PTPRD: variants seen among roughly 807,000 people sequenced by gnomAD.
PTPRD encodes receptor-type tyrosine-protein phosphatase delta.
PTPRD carries 34 observed loss-of-function variants against 214.5 expected under a neutral mutation model. The observed-to-expected ratio is 0.16, with a 90% CI of 0.12 to 0.21. The LOEUF (loss-of-function observed/expected upper bound fraction) is 0.21. PTPRD is among the 10% of genes least tolerant of loss of function. The pLI, the probability that PTPRD is intolerant of heterozygous loss-of-function variation, is 1.00. For missense variants in PTPRD, 2,545 were observed against 2,398.7 expected (o/e 1.06, Z -1.27); for synonymous variants, 1,128 against 845.7 (o/e 1.33, Z -5.79).
At chr9:10,344,357 C>T (rs2097020481) in intron 2 of PTPRD, among the ~76,000 whole-genome samples, 1 of 152,044 alleles carries the variant, frequency 6.6e-6, no homozygotes, top group Non-Finnish European at 1.5e-5. Flanking sequence ...GGTGTTATTT[C>T]TGAGGCCTCT....
chr9:8,916,743 T>A (rs2098788749), intron 11 of PTPRD, among the ~76,000 whole-genome samples: 1 of 152,142 alleles, frequency 6.6e-6, no homozygotes, highest in African/African-American at 2.4e-5. Flanking sequence ...CTGACATCAT[T>A]CCCTCTAGAA....
chr9:9,827,270 C>T (rs2053228655), intron 5 of PTPRD, among the ~76,000 whole-genome samples: 1 of 152,150 alleles, frequency 6.6e-6, no homozygotes, highest in African/African-American at 2.4e-5. Flanking sequence ...TACAAGGCTG[C>T]AGTCACCAAA....
chr9:8,844,898 C>G (rs1255188289), intron 11 of PTPRD, among the ~76,000 whole-genome samples: 2 of 152,066 alleles, frequency 1.3e-5, no homozygotes, highest in East Asian at 3.9e-4. Context: ...ATTTGAGTAG[C>G]TTTTTTCCAC....
At chr9:9,889,411 T>A (rs1006822206) in intron 5 of PTPRD, among the ~76,000 whole-genome samples, 2 of 152,094 alleles carry the variant, frequency 1.3e-5, no homozygotes, top group Admixed American at 1.3e-4. Context: ...AAATACAAAT[T>A]TAAAAGTATT....
chr9:8,405,327 ATT>A (rs1365106980), intron 35 of PTPRD, among the ~76,000 whole-genome samples: 1 of 151,534 alleles, frequency 6.6e-6, no homozygotes, highest in East Asian at 1.9e-4. Context: ...ATCATTATAT[ATT>A]TTCTATTTAT....
rs563044700 is a variant in PTPRD at position 9,366,760 on chromosome 9, G to A, written c.-203+30689C>T. ...AAAAATTCTTCCGAGTAAAAAAGAGGTTACAAAAAAGACAAAATAAGGTCC... is the reference window on the plus strand; with the variant it reads ...AAAAATTCTTCCGAGTAAAAAAGAGATTACAAAAAAGACAAAATAAGGTCC... On this transcript the variant is annotated intron_variant, in intron 9 of 45. Coordinates refer to ENST00000381196, the MANE Select transcript of PTPRD (RefSeq NM_002839.4). Among the ~76,000 whole-genome samples the A allele has an allele frequency of 2.7e-4, 41 of 151,248 alleles. 2 individuals carry two copies. The highest frequency in any genetic ancestry group is 9.8e-4 in the East Asian group (5 of 5,124).
intron 9 of PTPRD, among the ~76,000 whole-genome samples, chr9:9,234,957 G>A (rs1239074993): frequency 1.3e-5 from 2 of 152,126 alleles, no homozygotes; most frequent in African/African-American, 4.8e-5. Flanking sequence ...TATCTTTACA[G>A]CAATGCCCCA....
intron 2 of PTPRD, among the ~76,000 whole-genome samples, chr9:10,591,931 C>T (rs1216174167): frequency 1.3e-5 from 2 of 152,116 alleles, no homozygotes; most frequent in Non-Finnish European, 2.9e-5. Flanking sequence ...CCCTAACTCC[C>T]ACCCCTGACA....
intron 7 of PTPRD, among the ~76,000 whole-genome samples, chr9:9,577,053 G>C (rs967800208): frequency 2.6e-5 from 4 of 152,012 alleles, no homozygotes; most frequent in African/African-American, 9.7e-5. Flanking sequence ...AGATATGTTG[G>C]GTATGTAGAT....
chr9:8,999,336 C>T (rs1298921588), intron 11 of PTPRD, among the ~76,000 whole-genome samples: 1 of 152,026 alleles, frequency 6.6e-6, no homozygotes, highest in Non-Finnish European at 1.5e-5. Context: ...TTCCACAACC[C>T]CCAGCCTGAT....
intron 8 of PTPRD, chr9:9,414,798 G>T (rs1005121791): frequency 2.6e-5 from 4 of 152,140 alleles, no homozygotes; most frequent in African/African-American, 9.7e-5. Flanking sequence ...GAGGCACTGA[G>T]AATAAGACAG....
In PTPRD at chr9:9,015,996, T is replaced by C. The variant is rs187969588; in HGVS notation, c.-104+2701A>G. On this transcript the variant is annotated intron_variant, in intron 11 of 45. Transcript: ENST00000381196. ...CATAGGAATGCAGAAGAATTGGGCCTTAAAGCACAGGCAGCAGGACTTGAG... is the reference window on the plus strand; with the variant it reads ...CATAGGAATGCAGAAGAATTGGGCCCTAAAGCACAGGCAGCAGGACTTGAG... Among the ~76,000 whole-genome samples, 481 of 152,196 alleles carry C rather than the reference T, an allele frequency of 3.2e-3. 3 individuals carry two copies. Among genetic ancestry groups the C allele is most frequent in the Non-Finnish European group, 5.3e-3 (358 of 68,002 alleles).
At chr9:9,558,916 G>A (rs1314137748) in intron 8 of PTPRD, among the ~76,000 whole-genome samples, 1 of 152,150 alleles carries the variant, frequency 6.6e-6, no homozygotes, top group Non-Finnish European at 1.5e-5. Context: ...TGTTGCATTA[G>A]GACTACAGGT....
chr9:8,944,007 A>G (rs2099049254), intron 11 of PTPRD, among the ~76,000 whole-genome samples: 1 of 152,118 alleles, frequency 6.6e-6, no homozygotes, highest in African/African-American at 2.4e-5. Context: ...TTCATCTGAA[A>G]AGGATTAATA....
intron 4 of PTPRD, among the ~76,000 whole-genome samples, chr9:9,967,384 A>T (rs927431697): frequency 6.6e-6 from 1 of 152,174 alleles, no homozygotes; most frequent in Non-Finnish European, 1.5e-5. Context: ...GAAAATAGAG[A>T]AGGGTCGTCA....
intron 5 of PTPRD, among the ~76,000 whole-genome samples, chr9:9,869,537 T>C (rs1460545456): frequency 1.3e-5 from 2 of 152,118 alleles, no homozygotes; most frequent in Non-Finnish European, 2.9e-5. Context: ...AGATTGTATC[T>C]GACATTGTAT....
chr9:9,892,026 G>T (rs1190637239), intron 5 of PTPRD, among the ~76,000 whole-genome samples: 2 of 152,062 alleles, frequency 1.3e-5, no homozygotes, highest in South Asian at 2.1e-4. Flanking sequence ...AAGTTGAGAA[G>T]TCACTAAACT....
At chr9:8,897,934 G>A (rs1441470232) in intron 11 of PTPRD, among the ~76,000 whole-genome samples, 2 of 152,096 alleles carry the variant, frequency 1.3e-5, no homozygotes, top group African/African-American at 4.8e-5. Flanking sequence ...GAGATAATAT[G>A]GCAAAAGTAC....
chr9:10,113,490 A>G (rs1230233628), intron 3 of PTPRD, among the ~76,000 whole-genome samples: 1 of 152,214 alleles, frequency 6.6e-6, no homozygotes, highest in African/African-American at 2.4e-5. Flanking sequence ...AAAATATACC[A>G]GAGACTTTGT....
Sources: gnomAD v4.1 joint callset for allele counts (sites outside exome capture counted in the v4.1 genomes callset) on GRCh38, gnomAD v4.1.1 for gene constraint, MANE v1.5 for transcripts, NCBI Gene and HGNC (gene_info 2026-07-23, HGNC 2026-07-21) for gene names.